WWOX: variants seen among roughly 807,000 people sequenced by gnomAD.
WWOX encodes WW domain-containing oxidoreductase.
In WWOX, 69 loss-of-function variants were observed where a neutral mutation model predicts 46.2. That is an observed-to-expected ratio of 1.49 (90% CI 1.23 to 1.82). The LOEUF (loss-of-function observed/expected upper bound fraction) is 1.82. WWOX is among the 40% of genes most tolerant of loss of function. The pLI is 0.00. For missense variants in WWOX, 919 were observed against 542.6 expected (o/e 1.69, Z -6.89); for synonymous variants, 359 against 202.6 (o/e 1.77, Z -6.56).
intron 5 of WWOX, among the ~76,000 whole-genome samples, chr16:78,358,943 G>T (rs1209142339): frequency 7.2e-6 from 1 of 138,050 alleles, no homozygotes; most frequent in African/African-American, 2.7e-5. Flanking sequence ...CAGTACAGTT[G>T]TACTGACTTG....
chr16:78,299,959 T>C (rs929802971), intron 5 of WWOX, among the ~76,000 whole-genome samples: 7 of 152,128 alleles, frequency 4.6e-5, no homozygotes, highest in African/African-American at 1.4e-4. Flanking sequence ...GTCCAAGAGA[T>C]TGTGAAGTCT....
intron 8 of WWOX, among the ~76,000 whole-genome samples, chr16:78,920,789 C>A (rs932911847): frequency 6.6e-6 from 1 of 152,152 alleles, no homozygotes; most frequent in African/African-American, 2.4e-5. Context: ...TTACGCTGAG[C>A]ATGAAAATAA....
chr16:78,681,415 A>G (rs1178820386), intron 8 of WWOX, among the ~76,000 whole-genome samples: 1 of 152,160 alleles, frequency 6.6e-6, no homozygotes, highest in Non-Finnish European at 1.5e-5. Flanking sequence ...AAAAACCAAA[A>G]CAAAGGTCAA....
intron 8 of WWOX, among the ~76,000 whole-genome samples, chr16:78,847,947 C>T (rs58908863): frequency 6.6e-6 from 1 of 152,064 alleles, no homozygotes; most frequent in African/African-American, 2.4e-5. Flanking sequence ...ACGAACAACC[C>T]TGAGCTGACC....
intron 8 of WWOX, chr16:78,756,878 A>C: frequency 1.4e-6 from 1 of 702,586 alleles, no homozygotes; most frequent in Admixed American, 2.0e-5. Context: ...CATGTGACTT[A>C]CGAGGCTAGA....
chr16:78,391,714 G>T (rs2082177071), intron 6 of WWOX, among the ~76,000 whole-genome samples: 1 of 152,260 alleles, frequency 6.6e-6, no homozygotes, highest in East Asian at 1.9e-4. Flanking sequence ...CGGGCATGGT[G>T]ATGCATACCT....
intron 8 of WWOX, among the ~76,000 whole-genome samples, chr16:78,936,245 C>T (rs961204687): frequency 1.3e-5 from 2 of 152,118 alleles, no homozygotes; most frequent in African/African-American, 2.4e-5. Context: ...TGTGTATGCC[C>T]TCTGTACCTT....
chr16:78,628,293 C>G (rs925688684), intron 8 of WWOX, among the ~76,000 whole-genome samples: 2 of 152,100 alleles, frequency 1.3e-5, no homozygotes, highest in Non-Finnish European at 2.9e-5. Flanking sequence ...CTGAAGTTTC[C>G]CTTTCTTTTC....
chr16:78,411,323 G>C (rs968710139), intron 6 of WWOX, among the ~76,000 whole-genome samples: 1 of 152,094 alleles, frequency 6.6e-6, no homozygotes, highest in Non-Finnish European at 1.5e-5. Context: ...GCCATTGTGT[G>C]TTTATATATT....
intron 8 of WWOX, among the ~76,000 whole-genome samples, chr16:79,145,441 G>A (rs948612954): frequency 1.3e-5 from 2 of 152,066 alleles, no homozygotes; most frequent in Non-Finnish European, 2.9e-5. Flanking sequence ...GGCTCAAGCA[G>A]TCCTCCCATC....
intron 8 of WWOX, among the ~76,000 whole-genome samples, chr16:78,851,955 C>G (rs965474091): frequency 6.6e-6 from 1 of 152,112 alleles, no homozygotes; most frequent in Non-Finnish European, 1.5e-5. Flanking sequence ...GTTTCTGTAC[C>G]TGTAATCTTC....
rs77738051 is a variant in WWOX at position 79,019,484 on chromosome 16, A to G, written c.1057-192124A>G. ...ATAGAAATAGTACAGTAAAAATATGATATTATAATCTTTGGGACAGCCATC... is the reference window on the plus strand; with the variant it reads ...ATAGAAATAGTACAGTAAAAATATGGTATTATAATCTTTGGGACAGCCATC... On this transcript the variant is annotated intron_variant, in intron 8 of 8. Coordinates refer to ENST00000566780, the MANE Select transcript of WWOX (RefSeq NM_016373.4). 4.4e-3 allele frequency among the ~76,000 whole-genome samples: 662 copies of G among 152,182 alleles called. 3 individuals are homozygous for G. Among genetic ancestry groups the G allele is most frequent in the African/African-American group, 0.016 (647 of 41,506 alleles).
intron 7 of WWOX, 95 bp downstream of exon 7, chr16:78,425,150 C>T: frequency 2.6e-6 from 4 of 1,530,072 alleles, no homozygotes; most frequent in South Asian, 2.3e-5. Flanking sequence ...TTTCATTAGT[C>T]CTGCTTGAGA....
chr16:79,006,065 A>G, intron 8 of WWOX, among the ~76,000 whole-genome samples: 1 of 152,302 alleles, frequency 6.6e-6, no homozygotes, highest in Non-Finnish European at 1.5e-5. Flanking sequence ...AACCCATATC[A>G]ACAAGGCATG....
At chr16:78,868,845 C>G (rs1050076833) in intron 8 of WWOX, among the ~76,000 whole-genome samples, 4 of 152,204 alleles carry the variant, frequency 2.6e-5, no homozygotes, top group African/African-American at 9.6e-5. Context: ...AGTCCTTATG[C>G]TATCTCATTG....
chr16:78,299,049 C>G (rs1181982983), intron 5 of WWOX, among the ~76,000 whole-genome samples: 2 of 152,132 alleles, frequency 1.3e-5, no homozygotes, highest in Non-Finnish European at 2.9e-5. Context: ...TCACAGGAGC[C>G]TAGGAGATAC....
intron 8 of WWOX, among the ~76,000 whole-genome samples, chr16:78,751,524 C>G (rs577076471): frequency 2.8e-4 from 40 of 143,034 alleles, no homozygotes; most frequent in Non-Finnish European, 5.3e-4. Flanking sequence ...TGTAAAGACC[C>G]AAAACTCATA....
chr16:79,106,089 T>A (rs763634749), intron 8 of WWOX: 4 of 152,208 alleles, frequency 2.6e-5, no homozygotes, highest in Non-Finnish European at 5.9e-5. Context: ...ATCAGCAGCA[T>A]CAGAATCACC....
intron 8 of WWOX, among the ~76,000 whole-genome samples, chr16:79,067,284 G>A (rs531595705): frequency 6.6e-6 from 1 of 152,170 alleles, no homozygotes; most frequent in East Asian, 1.9e-4. Flanking sequence ...CAGAGTAAAA[G>A]CTAAAACCTT....
Sources: allele counts gnomAD v4.1 joint callset (sites outside exome capture counted in the v4.1 genomes callset), GRCh38; gene constraint gnomAD v4.1.1; transcripts MANE v1.5; gene names NCBI Gene and HGNC (gene_info 2026-07-23, HGNC 2026-07-21).